CNGB1: variants seen among roughly 807,000 people sequenced by gnomAD.
CNGB1 encodes cyclic nucleotide gated channel subunit beta 1, also known as cyclic nucleotide-gated channel beta-1.
Under a neutral mutation model 151.7 loss-of-function variants are expected in CNGB1, and 126 were observed. The ratio of observed to expected loss-of-function variants is 0.83; its 90% confidence interval spans 0.72 to 0.96. The LOEUF (loss-of-function observed/expected upper bound fraction) is 0.96. Among genes scored for constraint, CNGB1 ranks in the 40% least tolerant of loss-of-function variants. The probability of loss-of-function intolerance (pLI) is 0.00; values close to 1 mark genes in which losing one functional copy is unlikely to be tolerated. For missense variants in CNGB1, 1,698 were observed against 1,627.0 expected, an observed-to-expected ratio of 1.04 and a Z score of -0.75; for synonymous variants, 623 against 635.1, an observed-to-expected ratio of 0.98 and a Z score of 0.29.
Position 57,959,898 on chromosome 16 carries a change from C to T in CNGB1, c.751G>A (p.Asp251Asn). 1 of 1,545,292 alleles carries T rather than the reference C, an allele frequency of 6.5e-7. No individual in the cohort carries two copies. Among genetic ancestry groups the T allele is most frequent in the Non-Finnish European group, 8.7e-7 (1 of 1,144,848 alleles). ...TTGAGGGTGGCTCACCTGGCAGGGT[C>T]CCTGGTTGGTGGCAGGGAGGAGGTC... ...AQTSSLPPTR[D>N]PARLVAWVLH... Residue 251 changes from aspartate to asparagine, a missense_variant, in exon 10 of 33, where the codon GAC becomes AAC. Coordinates refer to ENST00000251102, the MANE Select transcript of CNGB1 (RefSeq NM_001297.5).
At position 57,960,056 on chromosome 16, in the gene CNGB1, C is replaced by T. The variant is rs1251833902; in HGVS notation, c.593G>A (p.Gly198Glu). The change falls in exon 10 of 33, where the codon GGA (glycine) becomes GAA (glutamate). Residue 198 changes from glycine (G) to glutamate (E), a missense_variant. Gly to Glu is a moderately conservative substitution (Grantham distance 98, BLOSUM62 -2). Coordinates refer to ENST00000251102, the MANE Select transcript of CNGB1 (RefSeq NM_001297.5). The stretch of plus-strand genomic sequence containing the variant: ...CTTGGGCCCCATTTCCTGGGGGCGT[C>T]CTGGAGGCGCTAAGCAGCGGGGAAA... ...TGAASDPAPP[G>E]RPQEMGPKLQ... The T allele has an allele frequency of 3.9e-6, 6 of 1,554,752 alleles. No homozygotes were observed. The highest frequency in any genetic ancestry group is 5.2e-6 in the Non-Finnish European group (6 of 1,154,512).
intron 14 of CNGB1, among the ~76,000 whole-genome samples, chr16:57,949,020 A>G (rs1961877358): frequency 6.6e-6 from 1 of 151,950 alleles, no homozygotes; most frequent in South Asian, 2.1e-4. Flanking sequence ...CAGACAACTA[A>G]CATTTATTTG....
intron 31 of CNGB1, among the ~76,000 whole-genome samples, 156 bp downstream of exon 31, chr16:57,897,241 G>A (rs1448369684): frequency 6.7e-6 from 1 of 149,612 alleles, no homozygotes; most frequent in Non-Finnish European, 1.5e-5. Context: ...GGTTGAGACT[G>A]TAGTGAGTCA....
intron 1 of CNGB1, among the ~76,000 whole-genome samples, chr16:57,969,244 T>C (rs1962481230): frequency 6.6e-6 from 1 of 152,186 alleles, no homozygotes; most frequent in African/African-American, 2.4e-5. Context: ...AGGCAGAGGT[T>C]GCAGTGAGCC....
At chr16:57,970,723 T>C (rs921900464) in intron 1 of CNGB1, among the ~76,000 whole-genome samples, 2 of 152,186 alleles carry the variant, frequency 1.3e-5, no homozygotes, top group African/African-American at 4.8e-5. Context: ...CCCTGCTGAC[T>C]GCACTTTGAT....
chr16:57,959,896 G>A lies in CNGB1; in HGVS notation c.753C>T (p.Asp251=), dbSNP rs1447319158. The A allele has an allele frequency of 5.2e-6, 8 of 1,543,586 alleles. No homozygotes were observed. Among genetic ancestry groups the A allele is most frequent in the South Asian group, 2.5e-5 (2 of 79,726 alleles). The part of the protein sequence containing the change: ...AQTSSLPPTR[D]PARLVAWVLH... Reference sequence around the variant, plus strand: ...CATTGAGGGTGGCTCACCTGGCAGGGTCCCTGGTTGGTGGCAGGGAGGAGG... The same window carrying A: ...CATTGAGGGTGGCTCACCTGGCAGGATCCCTGGTTGGTGGCAGGGAGGAGG... Residue 251 remains aspartate (D), a synonymous_variant, in exon 10 of 33, where the codon GAC becomes GAT. Transcript: ENST00000251102.
chr16:57,960,351 C>G, intron 9 of CNGB1, 131 bp downstream of exon 9: 1 of 1,294,036 alleles, frequency 7.7e-7, no homozygotes, highest in East Asian at 2.5e-5. Context: ...CTGCTCCAGG[C>G]AAGCCCTGAA....
chr16:57,915,179 C>T (rs747353649), intron 23 of CNGB1, 70 bp downstream of exon 23: 91 of 1,299,462 alleles, frequency 7.0e-5, no homozygotes, highest in Non-Finnish European at 8.6e-5. Context: ...GGGGCAGACA[C>T]GAAGATGCCA....
chr16:57,942,766 G>A (rs1339620224), intron 14 of CNGB1, among the ~76,000 whole-genome samples: 3 of 151,954 alleles, frequency 2.0e-5, no homozygotes, highest in Non-Finnish European at 4.4e-5. Flanking sequence ...GGAAGGCTGA[G>A]GTGGGAGGAT....
At chr16:57,942,600 C>T (rs1253178649) in intron 14 of CNGB1, among the ~76,000 whole-genome samples, 1 of 152,146 alleles carries the variant, frequency 6.6e-6, no homozygotes, top group African/African-American at 2.4e-5. Flanking sequence ...TGTGGTGGCT[C>T]ATGCCTGTAA....
intron 10 of CNGB1, 67 bp downstream of exon 10, chr16:57,959,821 G>A (rs1279634426): frequency 1.4e-6 from 2 of 1,420,024 alleles, no homozygotes; most frequent in African/African-American, 2.9e-5. Context: ...AGGAGGTTGG[G>A]TGTTAGGCGG....
At chr16:57,906,108 G>T (rs1269539571) in intron 25 of CNGB1, among the ~76,000 whole-genome samples, 1 of 152,198 alleles carries the variant, frequency 6.6e-6, no homozygotes, top group Non-Finnish European at 1.5e-5. Context: ...AGCTATTTAT[G>T]CAGTGTCCTA....
chr16:57,949,771 T>C (rs1468288207), intron 13 of CNGB1, among the ~76,000 whole-genome samples: 1 of 152,182 alleles, frequency 6.6e-6, no homozygotes, highest in Non-Finnish European at 1.5e-5. Flanking sequence ...CAAGCATCTC[T>C]AGTAGGAACA....
chr16:57,908,223 C>G (rs1415532216), intron 25 of CNGB1, among the ~76,000 whole-genome samples: 1 of 152,206 alleles, frequency 6.6e-6, no homozygotes, highest in South Asian at 2.1e-4. Context: ...GGCTCCCCCT[C>G]GGGGCAGGGC....
intron 4 of CNGB1, among the ~76,000 whole-genome samples, chr16:57,963,423 G>A (rs1402954130): frequency 9.9e-5 from 15 of 152,214 alleles, no homozygotes; most frequent in Non-Finnish European, 2.1e-4. Flanking sequence ...CAGAGCAGCT[G>A]ACTTCCCTCT....
Position 57,939,334 on chromosome 16 carries a change from A to G in CNGB1, c.1372+96T>C. 4 of 1,545,550 alleles carry G rather than the reference A, an allele frequency of 2.6e-6. No individual in the cohort carries two copies. In the South Asian group the frequency reaches 4.5e-5, roughly 17 times the overall value. ...GCAATGGGGGGAAGGAGATGGAGGG[A>G]GAGGAGGAGGGGTTGCCCCTGCACG... On this transcript the variant is annotated intron_variant, in intron 16 of 32. Coordinates refer to ENST00000251102, the MANE Select transcript of CNGB1 (RefSeq NM_001297.5).
chr16:57,885,828 A>G (rs1042039014), intron 32 of CNGB1, among the ~76,000 whole-genome samples: 4 of 152,064 alleles, frequency 2.6e-5, no homozygotes, highest in African/African-American at 7.2e-5. Flanking sequence ...TCCTGACCTC[A>G]AGTGATCTGC....
intron 31 of CNGB1, among the ~76,000 whole-genome samples, chr16:57,892,168 C>T (rs1306342719): frequency 1.3e-5 from 2 of 151,882 alleles, no homozygotes; most frequent in African/African-American, 2.4e-5. Flanking sequence ...ACAGGGACTT[C>T]AGCGGGGAGC....
chr16:57,915,256 C>T lies in CNGB1; in HGVS notation c.2297G>A (p.Cys766Tyr). ...GVNPLLRLPR[C>Y]LKYMAFFEFN... is the part of the protein sequence containing the mutation. The stretch of plus-strand genomic sequence containing the variant: ...TGGGCCCAGCAGTCCTACCTTTAAA[C>T]AGCGGGGCAGGCGGAGGAGGGGGTT... Residue 766 changes from cysteine to tyrosine, a missense_variant, in exon 23 of 33, where the codon TGT (cysteine) becomes TAT (tyrosine). By Grantham distance (194) the Cys-to-Tyr change is radical (BLOSUM62 -2). Transcript: ENST00000251102. 6.2e-7 allele frequency: 1 copy of T among 1,613,514 alleles called. No individual in the cohort carries two copies. Among genetic ancestry groups the T allele is most frequent in the Non-Finnish European group, 8.5e-7 (1 of 1,179,628 alleles).
Sources: allele counts gnomAD v4.1 joint callset (sites outside exome capture counted in the v4.1 genomes callset), GRCh38; gene constraint gnomAD v4.1.1; transcripts MANE v1.5; gene names NCBI Gene and HGNC (gene_info 2026-07-23, HGNC 2026-07-21).